Variants in ABR observed in about 807,000 individuals in gnomAD.
ABR encodes the protein active breakpoint cluster region-related protein.
A neutral mutation model predicts 107.2 loss-of-function variants in ABR; 35 were observed. The observed-to-expected ratio is 0.33, with a 90% CI of 0.25 to 0.43. ABR has a LOEUF of 0.43. Among genes scored for constraint, ABR ranks in the 20% least tolerant of loss-of-function variants. ABR has a pLI of 1.00. For synonymous variants in ABR, 498 were observed against 462.0 expected (o/e 1.08, Z -1.00); for missense variants, 815 against 1,115.2 (o/e 0.73, Z 3.83).
At chr17:1,120,198 C>T (rs921489059) in intron 2 of ABR, among the ~76,000 whole-genome samples, 1 of 152,186 alleles carries the variant, frequency 6.6e-6, no homozygotes, top group Non-Finnish European at 1.5e-5. Flanking sequence ...ACAAGCCTCT[C>T]TAAGCAGCTG....
chr17:1,020,065 T>G (rs2071498288), intron 16 of ABR, among the ~76,000 whole-genome samples: 1 of 151,278 alleles, frequency 6.6e-6, no homozygotes, highest in African/African-American at 2.4e-5. Flanking sequence ...ACATGGTCAC[T>G]GAGAGCAGCT....
intron 5 of ABR, 156 bp downstream of exon 5, chr17:1,083,364 G>A (rs1022655107): frequency 2.4e-6 from 1 of 414,646 alleles, no homozygotes; most frequent in African/African-American, 2.1e-5. Flanking sequence ...TATTAAGAGG[G>A]AAAATGTCAG....
chr17:1,065,960 G>A (rs912029234), intron 10 of ABR, among the ~76,000 whole-genome samples: 5 of 151,980 alleles, frequency 3.3e-5, no homozygotes, highest in African/African-American at 1.2e-4. Context: ...GGCCAGGCTG[G>A]TCTCAAACTC....
intron 1 of ABR, among the ~76,000 whole-genome samples, chr17:1,171,464 C>T (rs1257140726): frequency 6.6e-6 from 1 of 152,192 alleles, no homozygotes; most frequent in Non-Finnish European, 1.5e-5. Flanking sequence ...CCAAGCTGCC[C>T]GGAGTGACAA....
intron 1 of ABR, among the ~76,000 whole-genome samples, chr17:1,193,267 A>ACCCC (rs1369346504): frequency 8.5e-4 from 115 of 135,788 alleles, no homozygotes; most frequent in Non-Finnish European, 1.6e-3. Context: ...TTTCTGGGAC[A>ACCCC]CCCCCTCCCC....
In ABR at chr17:1,095,200, G is replaced by A. The variant is rs73975623; in HGVS notation, c.346-3350C>T. 3.7e-3 allele frequency among the ~76,000 whole-genome samples: 557 copies of A among 152,250 alleles called. 2 individuals carry two copies. The highest frequency in any genetic ancestry group is 0.013 in the African/African-American group (540 of 41,530). Reference sequence around the variant, plus strand: ...CGGGATTTCTCAGAAGCCGCGACGCGCTCATCTGCCACCCACACGAAGACA... The same window carrying A: ...CGGGATTTCTCAGAAGCCGCGACGCACTCATCTGCCACCCACACGAAGACA... On this transcript the variant is annotated intron_variant, in intron 3 of 22. Coordinates refer to ENST00000302538, the MANE Select transcript of ABR (RefSeq NM_021962.5).
intron 6 of ABR, among the ~76,000 whole-genome samples, chr17:1,075,076 GC>G (rs2151200788): frequency 6.6e-6 from 1 of 152,370 alleles, no homozygotes; most frequent in South Asian, 2.1e-4. Flanking sequence ...GGCAAGGCCA[GC>G]CCAGGCCCCC....
At position 1,027,358 on chromosome 17, in the gene ABR, C is replaced by T. The variant is rs1051373006; in HGVS notation, c.1792-14194G>A. ...CCAAGTTCACTCAGAGCAGGGTTCC[C>T]GCCTTGATGTCTGCAGCCCCCTCTG... On this transcript the variant is annotated intron_variant, in intron 16 of 22. Coordinates refer to ENST00000302538, the MANE Select transcript of ABR (RefSeq NM_021962.5). The surrounding 1 kb of genome is among the most constrained non-coding windows in gnomAD (Gnocchi z 4.7). Among the ~76,000 whole-genome samples the T allele has an allele frequency of 7.2e-5, 11 of 152,338 alleles. No homozygotes were observed. The highest frequency in any genetic ancestry group is 3.9e-4 in the East Asian group (2 of 5,192).
At chr17:1,098,093 G>C (rs1254018943) in intron 3 of ABR, among the ~76,000 whole-genome samples, 1 of 139,216 alleles carries the variant, frequency 7.2e-6, no homozygotes, top group African/African-American at 2.7e-5. Flanking sequence ...TTTTTTTTGT[G>C]ATGGAGTCTC....
chr17:1,151,526 G>A (rs957904740), intron 1 of ABR, among the ~76,000 whole-genome samples: 4 of 152,202 alleles, frequency 2.6e-5, no homozygotes, highest in Non-Finnish European at 4.4e-5. Context: ...AAAGGGCCTC[G>A]GTCAGCCACT....
chr17:1,185,650 G>GAAACA (rs1567873534), intron 1 of ABR, among the ~76,000 whole-genome samples: 1 of 15,660 alleles, frequency 6.4e-5, no homozygotes, highest in African/African-American at 3.7e-4. Context: ...GTCTCAGAAA[G>GAAACA]AAATAAAAAA....
chr17:1,135,349 CTTTA>C (rs894617678), intron 1 of ABR, among the ~76,000 whole-genome samples: 5 of 150,554 alleles, frequency 3.3e-5, no homozygotes, highest in African/African-American at 1.2e-4. Flanking sequence ...ATATTGCTAA[CTTTA>C]TTTTTTATTC....
rs974569399 is a variant in ABR, at chr17:1,148,752, G to A, written c.62-23385C>T. On this transcript the variant is annotated intron_variant, in intron 1 of 22. Transcript: ENST00000302538. This position sits in a 1 kb window ranked among gnomAD's most constrained non-coding sequence, Gnocchi z 4.9. ...CCTGGTGCGCTGGTTTCACAGATGCGGAGTCTCAGTTTAGCCAGGTGAGAG... is the reference window on the plus strand; with the variant it reads ...CCTGGTGCGCTGGTTTCACAGATGCAGAGTCTCAGTTTAGCCAGGTGAGAG... Among the ~76,000 whole-genome samples the A allele has an allele frequency of 6.6e-5, 10 of 152,328 alleles. No homozygotes were observed. The highest frequency in any genetic ancestry group is 1.9e-4 in the African/African-American group (8 of 41,572).
intron 1 of ABR, among the ~76,000 whole-genome samples, chr17:1,174,004 G>A (rs1164546310): frequency 6.6e-6 from 1 of 152,168 alleles, no homozygotes; most frequent in Admixed American, 6.5e-5. Flanking sequence ...CCTCTACGAA[G>A]GAAGGTACCG....
chr17:1,038,316 T>G (rs1027555068), intron 16 of ABR, among the ~76,000 whole-genome samples: 1 of 152,162 alleles, frequency 6.6e-6, no homozygotes, highest in African/African-American at 2.4e-5. Context: ...TCTGAGAGAT[T>G]AGGGGCTTTG....
intron 16 of ABR, among the ~76,000 whole-genome samples, chr17:1,043,324 C>T (rs749788721): frequency 3.3e-5 from 5 of 152,062 alleles, no homozygotes; most frequent in African/African-American, 4.8e-5. Flanking sequence ...TGCACCACCA[C>T]GCCCGGCTAA....
At chr17:1,101,059 G>A (rs766275935) in intron 2 of ABR, 7 of 321,614 alleles carry the variant, frequency 2.2e-5, no homozygotes, top group Non-Finnish European at 4.2e-5. Context: ...CCTGACCTCA[G>A]GTGATCCACC....
chr17:1,020,854 C>G (rs533490150), intron 16 of ABR, among the ~76,000 whole-genome samples: 2 of 152,278 alleles, frequency 1.3e-5, no homozygotes, highest in East Asian at 1.9e-4. Flanking sequence ...GACCCCATTT[C>G]TCCTGCCTCT....
At position 1,011,275 on chromosome 17, in the gene ABR, C is replaced by T; in HGVS notation, c.2102-412G>A. ...TCAGCTTCTAGGCTGCACAGAGGCA[C>T]CAACGCCGGCCAGTTCCCAGGCCCC... On this transcript the variant is annotated intron_variant, in intron 19 of 22. Transcript: ENST00000302538. This position sits in a 1 kb window ranked among gnomAD's most constrained non-coding sequence, Gnocchi z 4.8. 1 of 193,280 alleles carries T rather than the reference C, an allele frequency of 5.2e-6. No individual in the cohort carries two copies. Among genetic ancestry groups the T allele is most frequent in the South Asian group, 9.3e-5 (1 of 10,736 alleles). The allele number at this position is 193,280 out of a possible 1,614,324, so 12.0% of individuals were successfully genotyped here.
Sources: gnomAD v4.1 joint callset for allele counts (sites outside exome capture counted in the v4.1 genomes callset) on GRCh38, gnomAD v4.1.1 for gene constraint, Gnocchi (gnomAD v3.1) non-coding constraint, MANE v1.5 for transcripts, NCBI Gene and HGNC (gene_info 2026-07-23, HGNC 2026-07-21) for gene names.